The following NLGN4X variants were observed in gnomAD, a reference collection of about 807,000 sequenced individuals.
NLGN4X encodes the protein neuroligin-4, X-linked.
In NLGN4X, 3 loss-of-function variants were observed where a neutral mutation model predicts 40.3. That is an observed-to-expected ratio of 0.07 (90% CI 0.03 to 0.19). NLGN4X has a LOEUF of 0.19. NLGN4X is among the 10% of genes least tolerant of loss of function. The probability of loss-of-function intolerance (pLI) is 1.00; values close to 1 mark genes in which losing one functional copy is unlikely to be tolerated. For synonymous variants in NLGN4X, 270 were observed against 306.8 expected, an observed-to-expected ratio of 0.88 and a Z score of 1.25; for missense variants, 382 against 708.3, an observed-to-expected ratio of 0.54 and a Z score of 5.23.
chrX:5,909,358 C>A (rs2032365526), intron 3 of NLGN4X, 119 bp from the exon 4 acceptor site: 3 of 849,513 alleles, frequency 3.5e-6, no homozygotes, highest in African/African-American at 4.0e-5. Flanking sequence ...TCAACTCTCA[C>A]CCCCACCAAT....
intron 3 of NLGN4X, 82 bp from the exon 4 acceptor site, chrX:5,909,321 A>G (rs759390741): frequency 6.5e-6 from 7 of 1,072,325 alleles, no homozygotes; most frequent in Non-Finnish European, 9.0e-6. Context: ...GATATCTCAT[A>G]GCTTGTCTTC....
At chrX:5,900,588 TTA>T (rs199913950) in intron 5 of NLGN4X, among the ~76,000 whole-genome samples, 1,039 of 45,168 alleles carry the variant, frequency 0.023, 91 homozygotes, top group African/African-American at 0.054. Flanking sequence ...TTTTTTTTTT[TTA>T]AAGATAAAGG....
At chrX:6,183,415 T>C (rs1276112720) in intron 1 of NLGN4X, among the ~76,000 whole-genome samples, 2 of 110,419 alleles carry the variant, frequency 1.8e-5, no homozygotes, top group Admixed American at 9.6e-5. Context: ...GGAGTGGTGG[T>C]GGGCGCCTGT....
chrX:6,040,352 A>G (rs2037124213), intron 2 of NLGN4X, among the ~76,000 whole-genome samples: 1 of 111,686 alleles, frequency 9.0e-6, no homozygotes, highest in Non-Finnish European at 1.9e-5. Flanking sequence ...TACACAGTTG[A>G]GCATTGGTGA....
chrX:6,112,646 C>T (rs2039179132), intron 2 of NLGN4X, among the ~76,000 whole-genome samples: 1 of 105,905 alleles, frequency 9.4e-6, no homozygotes, highest in Non-Finnish European at 1.9e-5. Context: ...TGCAATGGCG[C>T]GATCTCGGCT....
intron 1 of NLGN4X, among the ~76,000 whole-genome samples, chrX:6,181,299 G>A (rs1046503264): frequency 1.8e-5 from 2 of 111,224 alleles, no homozygotes; most frequent in African/African-American, 6.5e-5. Context: ...CTCATACCAC[G>A]GAACTAACAT....
chrX:5,938,941 ATGTG>A (rs1347807359), intron 3 of NLGN4X, among the ~76,000 whole-genome samples: 1 of 105,521 alleles, frequency 9.5e-6, no homozygotes, highest in African/African-American at 3.6e-5. Flanking sequence ...TACAGAGATT[ATGTG>A]TGTTTGTATT....
chrX:6,099,623 T>A (rs2038862160), intron 2 of NLGN4X, among the ~76,000 whole-genome samples: 1 of 112,266 alleles, frequency 8.9e-6, no homozygotes, highest in Admixed American at 9.4e-5. Context: ...TAATACCTGG[T>A]ACACAGCAAG....
chrX:6,076,983 C>T (rs1463444061), intron 2 of NLGN4X, among the ~76,000 whole-genome samples: 1 of 111,700 alleles, frequency 9.0e-6, no homozygotes, highest in African/African-American at 3.3e-5. Flanking sequence ...TGAACAAAGT[C>T]CTCCATAATG....
chrX:5,944,237 T>C (rs1175507748), intron 3 of NLGN4X, among the ~76,000 whole-genome samples: 2 of 111,517 alleles, frequency 1.8e-5, no homozygotes, highest in Non-Finnish European at 3.8e-5. Context: ...TCTAAGAAAC[T>C]TGCATATCTT....
At chrX:5,913,049 GGGAAGGAA>G (rs1285099310) in intron 3 of NLGN4X, among the ~76,000 whole-genome samples, 9 of 84,639 alleles carry the variant, frequency 1.1e-4, no homozygotes, top group Non-Finnish European at 1.4e-4. Flanking sequence ...GAGGGAGGGA[GGGAAGGAA>G]GGAAGGAAGG....
Position 5,890,393 on chromosome X carries a change from CTGTA to C in NLGN4X, c.*2420_*2423del. ...TAAAATCACTTTTGATCATAATCCC[CTGTA>C]AAAGCTAAAGTTATTCACTTAACAG... On this transcript the variant is annotated 3_prime_UTR_variant, in exon 6 of 6. Coordinates refer to ENST00000381095, the MANE Select transcript of NLGN4X (RefSeq NM_181332.3). 4.2e-6 allele frequency: 1 copy of C among 239,826 alleles called. No homozygotes were observed. The highest frequency in any genetic ancestry group is 7.6e-6 in the Non-Finnish European group (1 of 132,243). 19.8% of individuals were successfully genotyped at this position (239,826 alleles called of 1,213,427 possible).
intron 3 of NLGN4X, among the ~76,000 whole-genome samples, chrX:6,011,669 G>A (rs753511116): frequency 2.7e-5 from 3 of 110,581 alleles, no homozygotes; most frequent in East Asian, 2.9e-4. Context: ...TCCTACCACC[G>A]CCAGGGGTCA....
At chrX:5,929,899 GA>G (rs1382377301) in intron 3 of NLGN4X, among the ~76,000 whole-genome samples, 2 of 112,410 alleles carry the variant, frequency 1.8e-5, no homozygotes, top group African/African-American at 6.5e-5. Flanking sequence ...AAGTATGATT[GA>G]AGTAAAAATG....
At chrX:6,023,201 T>C (rs2036598743) in intron 3 of NLGN4X, among the ~76,000 whole-genome samples, 1 of 111,774 alleles carries the variant, frequency 8.9e-6, no homozygotes, top group Admixed American at 9.5e-5. Flanking sequence ...ACACTAGTTC[T>C]ACTGCACCGA....
intron 3 of NLGN4X, among the ~76,000 whole-genome samples, chrX:5,922,884 A>T (rs1406358505): frequency 9.0e-6 from 1 of 111,205 alleles, no homozygotes; most frequent in Non-Finnish European, 1.9e-5. Context: ...TAAATAAAAT[A>T]AAAAAATAAA....
rs2031126005 is a variant in NLGN4X at position 5,890,880 on chromosome X, A to G, written c.*1937T>C. 6.2e-6 allele frequency: 2 copies of G among 321,474 alleles called. No homozygotes were observed. Among genetic ancestry groups the G allele is most frequent in the African/African-American group, 2.7e-5 (1 of 37,293 alleles). The allele number at this position is 321,474 out of a possible 1,213,427, so 26.5% of individuals were successfully genotyped here. ...CACTCTCAAACACTGATATATCACT[A>G]TAGTTTGAGTGTAGGGATTCAGTAA... On this transcript the variant is annotated 3_prime_UTR_variant, in exon 6 of 6. Transcript: ENST00000381095.
intron 2 of NLGN4X, among the ~76,000 whole-genome samples, chrX:6,069,953 C>T (rs904622464): frequency 1.8e-5 from 2 of 111,762 alleles, no homozygotes; most frequent in African/African-American, 6.5e-5. Flanking sequence ...CACACATACA[C>T]CCAAGTCTTT....
rs563764619 is a variant in NLGN4X, at chrX:6,179,841, G to A, written c.-305-28070C>T. ...GCAAAAAGAAGACAGAGAAGCAGGCGGCCTATTCAAGACTCATGTGGCTAT... is the reference window on the plus strand; with the variant it reads ...GCAAAAAGAAGACAGAGAAGCAGGCAGCCTATTCAAGACTCATGTGGCTAT... On this transcript the variant is annotated intron_variant, in intron 1 of 5. Transcript: ENST00000381095. Among the ~76,000 whole-genome samples, 9 of 111,641 alleles carry A rather than the reference G, an allele frequency of 8.1e-5. 1 individual carries two copies. In the South Asian group the frequency reaches 2.6e-3, roughly 33 times the overall value.
Sources: gnomAD v4.1 joint callset for allele counts (sites outside exome capture counted in the v4.1 genomes callset) on GRCh38, gnomAD v4.1.1 for gene constraint, MANE v1.5 for transcripts, NCBI Gene and HGNC (gene_info 2026-07-23, HGNC 2026-07-21) for gene names.